The following TMEM272 variants were observed in gnomAD, a reference collection of about 807,000 sequenced individuals.
The protein encoded by TMEM272 is long intergenic non-protein coding RNA 282.
In TMEM272, 8 loss-of-function variants were observed where a neutral mutation model predicts 3.7. The observed-to-expected ratio is 2.17, with a 90% CI of 1.27 to 3.91. The LOEUF (loss-of-function observed/expected upper bound fraction) is 3.91. Among genes scored for constraint, TMEM272 ranks in the 30% most tolerant of loss-of-function variants. TMEM272 has a pLI of 0.00. For missense variants in TMEM272, 166 were observed against 91.5 expected, an observed-to-expected ratio of 1.81 and a Z score of -3.32; for synonymous variants, 63 against 39.8, an observed-to-expected ratio of 1.58 and a Z score of -2.20.
At chr13:51,842,317 C>T (rs1170036836) in intron 1 of TMEM272, among the ~76,000 whole-genome samples, 1 of 152,180 alleles carries the variant, frequency 6.6e-6, no homozygotes, top group Non-Finnish European at 1.5e-5. Flanking sequence ...TTTTAAACTT[C>T]TTTTTAAAAC....
At chr13:51,874,321 A>C in the TMEM272 span, among the ~76,000 whole-genome samples, 35 of 152,354 alleles carry the variant, frequency 2.3e-4, no homozygotes, top group African/African-American at 8.2e-4. Context: ...ATCTCTAATA[A>C]GCTAGCAAGA....
the TMEM272 span, among the ~76,000 whole-genome samples, chr13:51,860,818 A>AGT: frequency 0.037 from 5,370 of 144,192 alleles, 252 homozygotes; most frequent in African/African-American, 0.12. Context: ...TATATATAGA[A>AGT]GTGTGTGTGT....
the TMEM272 span, among the ~76,000 whole-genome samples, chr13:51,879,372 C>T: frequency 2.5e-3 from 386 of 151,856 alleles, 2 homozygotes; most frequent in South Asian, 0.029. Context: ...TTCTTGAAAG[C>T]GAAAAAGTCT....
the TMEM272 span, among the ~76,000 whole-genome samples, chr13:51,897,443 G>C: frequency 1.5e-5 from 2 of 134,962 alleles, no homozygotes; most frequent in Non-Finnish European, 3.1e-5. Flanking sequence ...TGAACTCCTG[G>C]GCTCAAGTGA....
chr13:51,912,029 A>G, the TMEM272 span, among the ~76,000 whole-genome samples: 1 of 151,786 alleles, frequency 6.6e-6, no homozygotes, highest in African/African-American at 2.4e-5. Flanking sequence ...TTTGAATGTC[A>G]CCTGTCAGTG....
the TMEM272 span, chr13:51,932,715 T>G: frequency 6.6e-6 from 1 of 152,242 alleles, no homozygotes; most frequent in Non-Finnish European, 1.5e-5. Flanking sequence ...GCATGAAATG[T>G]TTTTGAAGTA....
intron 3 of TMEM272, 76 bp from the exon 4 acceptor site, chr13:51,822,213 A>G: frequency 3.2e-6 from 2 of 629,970 alleles, no homozygotes; most frequent in Non-Finnish European, 5.7e-6. Context: ...AATGAGTGGA[A>G]CACCTTCAAA....
At chr13:51,908,011 C>T in the TMEM272 span, among the ~76,000 whole-genome samples, 1 of 152,124 alleles carries the variant, frequency 6.6e-6, no homozygotes, top group Non-Finnish European at 1.5e-5. Flanking sequence ...AAATAGTTAA[C>T]ACTATCTAGA....
the TMEM272 span, among the ~76,000 whole-genome samples, chr13:51,860,651 A>AG: frequency 6.6e-6 from 1 of 150,692 alleles, no homozygotes; most frequent in Non-Finnish European, 1.5e-5. Context: ...AAAAAAAAAA[A>AG]AAAAGCATTA....
the TMEM272 span, chr13:51,910,097 A>G: frequency 9.2e-7 from 1 of 1,089,906 alleles, no homozygotes. Flanking sequence ...CATCTTCTAG[A>G]GACTGTATCT....
At chr13:51,923,224 G>A in the TMEM272 span, among the ~76,000 whole-genome samples, 1 of 152,168 alleles carries the variant, frequency 6.6e-6, no homozygotes, top group African/African-American at 2.4e-5. Context: ...AGGGATGGGA[G>A]ACTACACTTT....
chr13:51,896,492 G>A, the TMEM272 span, among the ~76,000 whole-genome samples: 1 of 152,196 alleles, frequency 6.6e-6, no homozygotes, highest in Non-Finnish European at 1.5e-5. Context: ...TGGCTAAAAT[G>A]CTCAGGGCAG....
At chr13:51,906,846 G>A in the TMEM272 span, among the ~76,000 whole-genome samples, 1 of 152,288 alleles carries the variant, frequency 6.6e-6, no homozygotes, top group East Asian at 1.9e-4. Flanking sequence ...CCTTGATGCT[G>A]GGGACCAACA....
At chr13:51,904,736 TCAGTTTGGGAATGCTCAAC>T in the TMEM272 span, among the ~76,000 whole-genome samples, 1 of 152,222 alleles carries the variant, frequency 6.6e-6, no homozygotes, top group Non-Finnish European at 1.5e-5. Flanking sequence ...TTTTAGATTT[TCAGTTTGGGAATGCTCAAC>T]CAGCAAATAT....
intron 4 of TMEM272, among the ~76,000 whole-genome samples, chr13:51,821,105 TC>T (rs919041840): frequency 6.6e-5 from 10 of 152,136 alleles, no homozygotes; most frequent in African/African-American, 2.4e-4. Flanking sequence ...TCTCCAAGGA[TC>T]CCCGCACCAG....
the TMEM272 span, chr13:51,908,279 G>A: frequency 9.8e-7 from 1 of 1,024,792 alleles, no homozygotes; most frequent in African/African-American, 1.7e-5. Context: ...CAACCCTAAA[G>A]GGAACTCACT....
At chr13:51,867,911 A>G in the TMEM272 span, among the ~76,000 whole-genome samples, 1 of 152,146 alleles carries the variant, frequency 6.6e-6, no homozygotes, top group East Asian at 1.9e-4. Context: ...TGCAGAGAAA[A>G]GCTGCAGATT....
chr13:51,869,255 T>G, the TMEM272 span, among the ~76,000 whole-genome samples: 14 of 152,320 alleles, frequency 9.2e-5, no homozygotes, highest in African/African-American at 2.9e-4. Flanking sequence ...TCTATTGCTC[T>G]CTCCATCCTC....
the TMEM272 span, among the ~76,000 whole-genome samples, chr13:51,892,954 AC>A: frequency 6.6e-6 from 1 of 152,180 alleles, no homozygotes; most frequent in East Asian, 1.9e-4. Context: ...TCTTTACTGC[AC>A]CCTGACTACA....
Sources: gnomAD v4.1 joint callset for allele counts (sites outside exome capture counted in the v4.1 genomes callset) on GRCh38, gnomAD v4.1.1 for gene constraint, MANE v1.5 for transcripts, NCBI Gene and HGNC (gene_info 2026-07-23, HGNC 2026-07-21) for gene names.